Variants in AFTPH observed in about 807,000 individuals in gnomAD.
AFTPH encodes the protein aftiphilin.
In AFTPH, 7 loss-of-function variants were observed where a neutral mutation model predicts 72.5. The ratio of observed to expected loss-of-function variants is 0.10; its 90% CI spans 0.05 to 0.18. The LOEUF is 0.18. AFTPH is among the 10% of genes least tolerant of loss of function. The probability of loss-of-function intolerance (pLI) is 1.00; values close to 1 mark genes in which losing one functional copy is unlikely to be tolerated. For missense variants in AFTPH, 979 were observed against 1,060.5 expected (o/e 0.92, Z 1.07); for synonymous variants, 337 against 370.1 (o/e 0.91, Z 1.03).
chr2:64,560,548 T>G (rs1671658990), intron 2 of AFTPH, among the ~76,000 whole-genome samples: 1 of 152,188 alleles, frequency 6.6e-6, no homozygotes, highest in Non-Finnish European at 1.5e-5. Context: ...GAGCCCTTTC[T>G]CCATAAAATG....
At chr2:64,581,923 T>TAGAG (rs1255886228) in intron 7 of AFTPH, among the ~76,000 whole-genome samples, 2 of 152,202 alleles carry the variant, frequency 1.3e-5, no homozygotes, top group African/African-American at 4.8e-5. Flanking sequence ...TACTAAAAGC[T>TAGAG]AGAGATTAAA....
chr2:64,588,327 G>T (rs757771544), intron 8 of AFTPH, among the ~76,000 whole-genome samples: 4 of 152,072 alleles, frequency 2.6e-5, no homozygotes, highest in Non-Finnish European at 5.9e-5. Flanking sequence ...AGCACATTTT[G>T]CTTTTCCATT....
At position 64,552,180 on chromosome 2, in the gene AFTPH, A is replaced by G. The variant is rs1671086809; in HGVS notation, c.706A>G (p.Thr236Ala). The G allele has an allele frequency of 3.1e-6, 5 of 1,614,036 alleles. No individual in the cohort carries two copies. In the South Asian group the frequency reaches 3.3e-5, roughly 11 times the overall value. ...TGCTGAGGAATTTGCAGATTTTGCCACATTTTCCAAAAAGGAAAGGATACA... is the reference window on the plus strand; with the variant it reads ...TGCTGAGGAATTTGCAGATTTTGCCGCATTTTCCAAAAAGGAAAGGATACA... The change falls in exon 2 of 9, where the codon ACA becomes GCA. Residue 236 changes from threonine (T) to alanine (A), a missense_variant. Physicochemically the swap from Thr to Ala is moderately conservative, Grantham distance 58. Around this residue, in one of 3 missense-constraint regions of AFTPH, gnomAD observed 498 missense variants for 467.6 expected, o/e 1.06. Coordinates refer to ENST00000238856, the Ensembl canonical transcript of AFTPH.
intron 2 of AFTPH, among the ~76,000 whole-genome samples, chr2:64,567,182 T>G (rs902881387): frequency 6.6e-6 from 1 of 152,230 alleles, no homozygotes; most frequent in Non-Finnish European, 1.5e-5. Context: ...GGAAAGAATA[T>G]AAATGCTCTC....
rs139710782 is a variant in AFTPH, at chr2:64,579,536, C to T, written c.2445C>T (p.Asn815=). 73 of 1,613,646 alleles carry T rather than the reference C, an allele frequency of 4.5e-5. 1 individual carries two copies. The Middle Eastern group carries it at 6.6e-4, about 15-fold the overall frequency. Residue 815 remains asparagine, a synonymous_variant, in exon 7 of 9, where the codon AAC becomes AAT. Transcript: ENST00000238856. ...ACTGGAGTAGCAGTGGCCTTACTAA[C>T]CCTTTAGATGGTACGTCTCTCCGTA...
intron 8 of AFTPH, among the ~76,000 whole-genome samples, chr2:64,590,580 A>G (rs575933713): frequency 4.9e-4 from 74 of 152,338 alleles, no homozygotes; most frequent in Non-Finnish European, 5.6e-4. Flanking sequence ...ACGTCCACAT[A>G]ATAGTTTTGC....
Position 64,557,077 on chromosome 2 carries a change from A to G in AFTPH, c.1935+3668A>G, listed in dbSNP as rs1671422689. 3.3e-5 allele frequency among the ~76,000 whole-genome samples: 5 copies of G among 151,894 alleles called. No individual in the cohort carries two copies. The South Asian group carries it at 1.0e-3, about 31-fold the overall frequency. On this transcript the variant is annotated intron_variant, in intron 2 of 8. Coordinates refer to ENST00000238856, the Ensembl canonical transcript of AFTPH. The stretch of plus-strand genomic sequence containing the variant: ...AGTCCTTTTTTATGAGTGTTATTTT[A>G]ACAATTTTTTTTTCTGTCCTGGGAA...
intron 6 of AFTPH, among the ~76,000 whole-genome samples, chr2:64,573,615 A>C (rs1388955717): frequency 6.6e-6 from 1 of 152,220 alleles, no homozygotes; most frequent in East Asian, 1.9e-4. Flanking sequence ...TAACTCGAAA[A>C]TGATGTGACC....
At chr2:64,547,632 C>T (rs1044488674) in intron 1 of AFTPH, among the ~76,000 whole-genome samples, 1 of 152,064 alleles carries the variant, frequency 6.6e-6, no homozygotes, top group African/African-American at 2.4e-5. Context: ...TGTGAGGACT[C>T]AGTTTATTAT....
chr2:64,553,463 C>A, intron 2 of AFTPH, 54 bp downstream of exon 2: 1 of 1,486,246 alleles, frequency 6.7e-7, no homozygotes, highest in Non-Finnish European at 8.9e-7. Flanking sequence ...GTGGAGGCTT[C>A]TAATTTCAGC....
chr2:64,572,427 C>G (rs1202637950), intron 5 of AFTPH, among the ~76,000 whole-genome samples: 1 of 152,092 alleles, frequency 6.6e-6, no homozygotes, highest in Non-Finnish European at 1.5e-5. Context: ...ACAATCAGCT[C>G]TCACTTCTCA....
intron 1 of AFTPH, among the ~76,000 whole-genome samples, chr2:64,526,982 A>G (rs1669308806): frequency 1.3e-5 from 2 of 152,238 alleles, no homozygotes; most frequent in African/African-American, 4.8e-5. Context: ...GACCATTTAT[A>G]TAGTCTCATG....
At chr2:64,579,104 GA>G (rs1673006650) in intron 6 of AFTPH, 1 of 161,538 alleles carries the variant, frequency 6.2e-6, no homozygotes, top group Non-Finnish European at 1.3e-5. Context: ...TAAGGAACCA[GA>G]CAGACCTTAG....
intron 1 of AFTPH, among the ~76,000 whole-genome samples, chr2:64,550,145 A>G (rs1670942216): frequency 6.6e-6 from 1 of 152,214 alleles, no homozygotes; most frequent in South Asian, 2.1e-4. Flanking sequence ...TTTATTTGTA[A>G]TAGGAAAATA....
At chr2:64,565,448 C>T (rs756950695) in intron 2 of AFTPH, among the ~76,000 whole-genome samples, 10 of 135,904 alleles carry the variant, frequency 7.4e-5, no homozygotes, top group Non-Finnish European at 1.4e-4. Context: ...AAACTCCAAC[C>T]TGGGTGACAG....
intron 5 of AFTPH, among the ~76,000 whole-genome samples, chr2:64,571,723 A>G (rs1161001340): frequency 6.6e-6 from 1 of 152,144 alleles, no homozygotes; most frequent in Non-Finnish European, 1.5e-5. Flanking sequence ...TGGCCCAGTT[A>G]AGGGTGATTT....
At chr2:64,552,754 T>A in exon 2 of AFTPH, 1 of 1,614,188 alleles carries the variant, frequency 6.2e-7, no homozygotes, top group Non-Finnish European at 8.5e-7. Context: ...TGCAATGATA[T>A]CAATGAAGAT....
rs111905151 is a variant in AFTPH at position 64,555,555 on chromosome 2, TCACACACA to T, written c.1935+2183_1935+2190del. Among the ~76,000 whole-genome samples, 1,097 of 140,842 alleles carry T rather than the reference TCACACACA, an allele frequency of 7.8e-3. 9 individuals are homozygous for T. Among genetic ancestry groups the T allele is most frequent in the Middle Eastern group, 0.018 (5 of 278 alleles). The allele number at this position is 140,842 out of a possible 152,430, so 92.4% of individuals were successfully genotyped here. On this transcript the variant is annotated intron_variant, in intron 2 of 8. Coordinates refer to ENST00000238856, the Ensembl canonical transcript of AFTPH. ...CAGGCTAGGCTACAGAGAGAGACTG[TCACACACA>T]CACACACACACACACACACACACAC... is the stretch of plus-strand genomic sequence containing the variant.
chr2:64,583,775 G>A (rs918848098), intron 7 of AFTPH, among the ~76,000 whole-genome samples: 2 of 152,080 alleles, frequency 1.3e-5, no homozygotes, highest in Non-Finnish European at 2.9e-5. Context: ...GAAATACTGA[G>A]AACTTGGGAG....
Sources: gnomAD v4.1 joint callset for allele counts (sites outside exome capture counted in the v4.1 genomes callset) on GRCh38, gnomAD v4.1.1 for gene constraint, gnomAD v4.1.1 regional missense constraint, MANE v1.5 for transcripts, NCBI Gene and HGNC (gene_info 2026-07-23, HGNC 2026-07-21) for gene names.